Variants in HMGCLL1 observed in about 807,000 individuals in gnomAD.
HMGCLL1 encodes 3-hydroxy-3-methylglutaryl-CoA lyase like 1, also known as 3-hydroxymethyl-3-methylglutaryl-CoA lyase, cytoplasmic.
A neutral mutation model predicts 39.1 loss-of-function variants in HMGCLL1; 36 were observed. The observed-to-expected ratio is 0.92, with a 90% CI of 0.71 to 1.22. The LOEUF is 1.22. Among genes scored for constraint, HMGCLL1 ranks in the 50% most tolerant of loss-of-function variants. The pLI is 0.00. For missense variants in HMGCLL1, 451 were observed against 416.5 expected (o/e 1.08, Z -0.72); for synonymous variants, 149 against 144.0 (o/e 1.03, Z -0.25).
chr6:55,485,175 A>G (rs1256413104), intron 7 of HMGCLL1, among the ~76,000 whole-genome samples: 7 of 152,228 alleles, frequency 4.6e-5, no homozygotes, highest in Non-Finnish European at 8.8e-5. Flanking sequence ...CACTTAGTAA[A>G]TACTGCAACC....
the HMGCLL1 span, among the ~76,000 whole-genome samples, chr6:55,612,070 C>T: frequency 6.6e-6 from 1 of 152,090 alleles, no homozygotes; most frequent in Non-Finnish European, 1.5e-5. Context: ...GGCCAAAAAG[C>T]TCCTTAAGAT....
At chr6:55,441,528 A>C (rs1444442953) in intron 7 of HMGCLL1, among the ~76,000 whole-genome samples, 1 of 152,096 alleles carries the variant, frequency 6.6e-6, no homozygotes. Flanking sequence ...ATTTCTTTAG[A>C]CTTTTAAAAT....
chr6:55,674,573 A>C, the HMGCLL1 span, among the ~76,000 whole-genome samples: 1 of 152,048 alleles, frequency 6.6e-6, no homozygotes. Context: ...AACTACCTAC[A>C]AGGTTATGCA....
At chr6:55,538,549 C>A (rs983387460) in intron 3 of HMGCLL1, among the ~76,000 whole-genome samples, 1 of 152,118 alleles carries the variant, frequency 6.6e-6, no homozygotes, top group Non-Finnish European at 1.5e-5. Context: ...CTAGCCTAAT[C>A]AAACTAGTAG....
chr6:55,656,503 C>T, the HMGCLL1 span, among the ~76,000 whole-genome samples: 403 of 152,010 alleles, frequency 2.7e-3, 3 homozygotes, highest in Non-Finnish European at 2.5e-3. Context: ...GCCACTTAAA[C>T]ACCTTGTGTA....
At chr6:55,559,257 T>C (rs144306939) in intron 1 of HMGCLL1, among the ~76,000 whole-genome samples, 254 of 152,302 alleles carry the variant, frequency 1.7e-3, no homozygotes, top group African/African-American at 5.9e-3. Flanking sequence ...CTTTATTTAA[T>C]TTGCCCAAAT....
At chr6:55,537,143 A>G (rs1031173238) in intron 3 of HMGCLL1, among the ~76,000 whole-genome samples, 1 of 152,156 alleles carries the variant, frequency 6.6e-6, no homozygotes, top group South Asian at 2.1e-4. Context: ...TCAAAAGAGA[A>G]ATTTTAAAAT....
chr6:55,528,850 T>C (rs1302614637), intron 3 of HMGCLL1, among the ~76,000 whole-genome samples: 1 of 151,846 alleles, frequency 6.6e-6, no homozygotes, highest in East Asian at 1.9e-4. Context: ...GTCTCAAGAG[T>C]GACCAAAACA....
intron 7 of HMGCLL1, among the ~76,000 whole-genome samples, chr6:55,470,354 C>G (rs1764993021): frequency 6.6e-6 from 1 of 151,794 alleles, no homozygotes; most frequent in South Asian, 2.1e-4. Context: ...TGGTGATTTA[C>G]TCTGTTGGTC....
At chr6:55,442,750 G>T (rs923451558) in intron 7 of HMGCLL1, among the ~76,000 whole-genome samples, 2 of 152,052 alleles carry the variant, frequency 1.3e-5, no homozygotes, top group African/African-American at 4.8e-5. Flanking sequence ...GTCATATTCA[G>T]CAGTAAAATA....
the HMGCLL1 span, among the ~76,000 whole-genome samples, chr6:55,594,007 T>C: frequency 6.6e-6 from 1 of 152,158 alleles, no homozygotes; most frequent in Non-Finnish European, 1.5e-5. Context: ...GAAGAGAAAT[T>C]ATCACCAAAT....
At chr6:55,629,766 C>T in the HMGCLL1 span, among the ~76,000 whole-genome samples, 1 of 152,118 alleles carries the variant, frequency 6.6e-6, no homozygotes, top group Non-Finnish European at 1.5e-5. Flanking sequence ...GAGCTCAGGC[C>T]ATGTCTTCAG....
chr6:55,537,856 T>C (rs1175254723), intron 3 of HMGCLL1, among the ~76,000 whole-genome samples: 2 of 152,146 alleles, frequency 1.3e-5, no homozygotes, highest in African/African-American at 4.8e-5. Context: ...CTTGGAAGAG[T>C]TCATTAAATT....
chr6:55,476,218 G>A (rs1765278316), intron 7 of HMGCLL1, among the ~76,000 whole-genome samples: 1 of 151,306 alleles, frequency 6.6e-6, no homozygotes, highest in East Asian at 1.9e-4. Flanking sequence ...TTATCTCTCT[G>A]TTTACTTTTA....
chr6:55,606,841 A>G, the HMGCLL1 span, among the ~76,000 whole-genome samples: 1 of 152,050 alleles, frequency 6.6e-6, no homozygotes, highest in Admixed American at 6.6e-5. Flanking sequence ...ATCACACAGC[A>G]CCTTAGAAGA....
At chr6:55,458,912 T>C (rs1224596521) in intron 7 of HMGCLL1, among the ~76,000 whole-genome samples, 2 of 152,186 alleles carry the variant, frequency 1.3e-5, no homozygotes, top group East Asian at 3.8e-4. Context: ...CATTAACAAA[T>C]TAATTTGGGT....
chr6:55,439,668 A>T (rs2127380222), intron 7 of HMGCLL1, 109 bp from the exon 8 acceptor site: 1 of 1,138,424 alleles, frequency 8.8e-7, no homozygotes, highest in East Asian at 2.4e-5. Flanking sequence ...TGAACTGGTT[A>T]TTCAAATATA....
chr6:55,587,473 G>T, the HMGCLL1 span, among the ~76,000 whole-genome samples: 3 of 151,980 alleles, frequency 2.0e-5, no homozygotes, highest in Non-Finnish European at 4.4e-5. Flanking sequence ...AGATCATCGA[G>T]GCTAGGAAGA....
rs183845682 is a variant in HMGCLL1, at chr6:55,498,260, T to G, written c.606+976A>C. ...TATTCTTAAAAAATATATATACAATTGTGAATGCAAATTAATGACAGCCTT... is the reference window on the plus strand; with the variant it reads ...TATTCTTAAAAAATATATATACAATGGTGAATGCAAATTAATGACAGCCTT... On this transcript the variant is annotated intron_variant, in intron 6 of 8. Coordinates refer to ENST00000274901, the MANE Select transcript of HMGCLL1 (RefSeq NM_001042406.2). Among the ~76,000 whole-genome samples the G allele has an allele frequency of 2.5e-3, 373 of 152,192 alleles. 3 individuals carry two copies. Among genetic ancestry groups the G allele is most frequent in the African/African-American group, 8.6e-3 (358 of 41,530 alleles).
Sources: allele counts gnomAD v4.1 joint callset (sites outside exome capture counted in the v4.1 genomes callset), GRCh38; gene constraint gnomAD v4.1.1; transcripts MANE v1.5; gene names NCBI Gene and HGNC (gene_info 2026-07-23, HGNC 2026-07-21).